MEMO1: variants seen among roughly 807,000 people sequenced by gnomAD.
The protein encoded by MEMO1 is protein MEMO1.
Under a neutral mutation model 45.2 loss-of-function variants are expected in MEMO1, and 6 were observed. That is an observed-to-expected ratio of 0.13 (90% confidence interval 0.07 to 0.26). The LOEUF is 0.26. Among genes scored for constraint, MEMO1 ranks in the 10% least tolerant of loss-of-function variants. The pLI, the probability that MEMO1 is intolerant of heterozygous loss-of-function variation, is 1.00. For missense variants in MEMO1, 184 were observed against 370.5 expected (o/e 0.50, Z 4.13); for synonymous variants, 78 against 124.3 (o/e 0.63, Z 2.48).
intron 2 of MEMO1, among the ~76,000 whole-genome samples, chr2:31,996,187 G>A (rs1355188924): frequency 6.6e-6 from 1 of 150,676 alleles, no homozygotes; most frequent in Non-Finnish European, 1.5e-5. Flanking sequence ...GAGAGGAGAG[G>A]GAGAGAGAGA....
At chr2:32,002,926 T>C (rs1673588976) in intron 2 of MEMO1, among the ~76,000 whole-genome samples, 1 of 152,178 alleles carries the variant, frequency 6.6e-6, no homozygotes, top group African/African-American at 2.4e-5. Flanking sequence ...TCTTTCCTTC[T>C]TGCCTTTCTG....
intron 6 of MEMO1, among the ~76,000 whole-genome samples, chr2:31,898,214 C>T (rs1030464515): frequency 4.6e-5 from 7 of 152,030 alleles, no homozygotes; most frequent in Admixed American, 2.6e-4. Flanking sequence ...TCTCTATCTC[C>T]TTCAGTTCTA....
At chr2:31,956,328 T>C (rs1267316440) in intron 2 of MEMO1, among the ~76,000 whole-genome samples, 2 of 151,082 alleles carry the variant, frequency 1.3e-5, no homozygotes, top group Non-Finnish European at 2.9e-5. Flanking sequence ...GCACTTCTTA[T>C]GCAATTTCTT....
intron 6 of MEMO1, among the ~76,000 whole-genome samples, chr2:31,895,337 G>A (rs937188967): frequency 1.3e-5 from 2 of 152,078 alleles, no homozygotes. Context: ...AAACTTCAAA[G>A]GAGTTATTAT....
At chr2:31,928,306 G>C (rs1346902750) in intron 4 of MEMO1, among the ~76,000 whole-genome samples, 2 of 152,194 alleles carry the variant, frequency 1.3e-5, no homozygotes, top group African/African-American at 4.8e-5. Flanking sequence ...ACTTTGGGAG[G>C]CCAAGGCAGG....
intron 8 of MEMO1, among the ~76,000 whole-genome samples, chr2:31,874,918 C>CGT (rs1674343765): frequency 1.3e-5 from 2 of 151,244 alleles, no homozygotes; most frequent in African/African-American, 4.9e-5. Flanking sequence ...AGCAAGTGTA[C>CGT]ATATATATAT....
chr2:31,956,053 AAC>A (rs1667379688), intron 2 of MEMO1, among the ~76,000 whole-genome samples: 1 of 152,226 alleles, frequency 6.6e-6, no homozygotes, highest in African/African-American at 2.4e-5. Context: ...CATAAAAAGC[AAC>A]CACCTCAAGT....
At chr2:31,994,815 G>A (rs759747662) in intron 2 of MEMO1, among the ~76,000 whole-genome samples, 1 of 152,058 alleles carries the variant, frequency 6.6e-6, no homozygotes, top group Admixed American at 6.6e-5. Context: ...GGGCATGGTG[G>A]TGCACACCTG....
intron 8 of MEMO1, among the ~76,000 whole-genome samples, chr2:31,875,090 TATAA>T (rs1447289059): frequency 2.0e-5 from 3 of 152,120 alleles, no homozygotes; most frequent in East Asian, 1.9e-4. Context: ...AAATTCTATA[TATAA>T]ATAAATATAT....
At chr2:31,968,075 T>C (rs539080573) in intron 2 of MEMO1, among the ~76,000 whole-genome samples, 9 of 152,294 alleles carry the variant, frequency 5.9e-5, no homozygotes, top group Non-Finnish European at 1.3e-4. Flanking sequence ...TCAGGAGTCC[T>C]GTGTGTCTCA....
intron 2 of MEMO1, among the ~76,000 whole-genome samples, chr2:32,002,202 C>CGTATATACGTATATACGTAT (rs1558570161): frequency 4.7e-5 from 6 of 128,184 alleles, no homozygotes; most frequent in Middle Eastern, 4.3e-3. Context: ...CACACACACA[C>CGTATATACGTATATACGTAT]ATGTATATAC....
At chr2:31,870,658 C>A (rs769506038) in intron 8 of MEMO1, among the ~76,000 whole-genome samples, 31 of 152,160 alleles carry the variant, frequency 2.0e-4, no homozygotes, top group Non-Finnish European at 3.8e-4. Flanking sequence ...CTCACTGCAA[C>A]CCCTGCCTCC....
At chr2:31,888,294 C>G (rs1187458052) in intron 7 of MEMO1, among the ~76,000 whole-genome samples, 1 of 152,106 alleles carries the variant, frequency 6.6e-6, no homozygotes, top group East Asian at 1.9e-4. Context: ...AACTACCATA[C>G]CCGGTTCATA....
chr2:31,995,920 AT>A (rs950687270), intron 2 of MEMO1, among the ~76,000 whole-genome samples: 18 of 152,184 alleles, frequency 1.2e-4, no homozygotes, highest in African/African-American at 3.9e-4. Flanking sequence ...ATATAAAAAA[AT>A]CATAGACTTC....
intron 2 of MEMO1, among the ~76,000 whole-genome samples, chr2:31,988,424 G>A (rs1325886100): frequency 1.3e-5 from 2 of 152,172 alleles, no homozygotes; most frequent in African/African-American, 4.8e-5. Context: ...GCACACGCCT[G>A]TAATCCCAGC....
chr2:32,010,348 GC>G, intron 1 of MEMO1, 84 bp from the exon 2 acceptor site: 1 of 597,110 alleles, frequency 1.7e-6, no homozygotes, highest in Non-Finnish European at 2.7e-6. Context: ...CGCGGGCCCA[GC>G]CCAGGAGGAG....
intron 3 of MEMO1, among the ~76,000 whole-genome samples, chr2:31,942,115 C>T (rs1665685045): frequency 6.6e-6 from 1 of 152,120 alleles, no homozygotes; most frequent in Admixed American, 6.5e-5. Flanking sequence ...GAAACCAAAT[C>T]AAAATTAACT....
At chr2:31,933,342 A>AT (rs1558514156) in intron 3 of MEMO1, among the ~76,000 whole-genome samples, 4 of 47,312 alleles carry the variant, frequency 8.5e-5, no homozygotes, top group African/African-American at 3.7e-4. Context: ...AAAAAAAAAA[A>AT]AAAAAAATTT....
At chr2:31,978,252 T>G (rs1199906375) in intron 2 of MEMO1, among the ~76,000 whole-genome samples, 2 of 151,990 alleles carry the variant, frequency 1.3e-5, no homozygotes. Flanking sequence ...CTGGGCGTGG[T>G]GGTGGGCACC....
Sources: gnomAD v4.1 joint callset for allele counts (sites outside exome capture counted in the v4.1 genomes callset) on GRCh38, gnomAD v4.1.1 for gene constraint, MANE v1.5 for transcripts, NCBI Gene and HGNC (gene_info 2026-07-23, HGNC 2026-07-21) for gene names.